The following KRAS variants were observed in gnomAD, a reference collection of about 807,000 sequenced individuals.
KRAS encodes the protein GTPase KRas.
Under a neutral mutation model 21.0 loss-of-function variants are expected in KRAS, and 1 was observed. That is an observed-to-expected ratio of 0.05 (90% CI 0.02 to 0.23). The LOEUF is 0.23. KRAS is among the 10% of genes least tolerant of loss of function. The probability of loss-of-function intolerance (pLI) is 1.00; values close to 1 mark genes in which losing one functional copy is unlikely to be tolerated. For synonymous variants in KRAS, 67 were observed against 72.5 expected, an observed-to-expected ratio of 0.92 and a Z score of 0.39; for missense variants, 107 against 221.8, an observed-to-expected ratio of 0.48 and a Z score of 3.29.
intron 2 of KRAS, among the ~76,000 whole-genome samples, chr12:25,243,345 G>A (rs892092713): frequency 1.4e-4 from 22 of 152,034 alleles, no homozygotes; most frequent in African/African-American, 5.1e-4. Flanking sequence ...ACTACGTCAG[G>A]GACCGTCAGT....
rs377473109 is a variant in KRAS, at chr12:25,225,797, G to A, written c.291-24C>T. ...CTCTGGGAAAGAAAAAAAAGTTATA[G>A]CACAGTCATTAGTAACACAAATATC... is the stretch of plus-strand genomic sequence containing the variant. On this transcript the variant is annotated intron_variant, in intron 3 of 4. Transcript: ENST00000311936. 1.7e-5 allele frequency: 27 copies of A among 1,603,690 alleles called. No homozygotes were observed. In the South Asian group the frequency reaches 2.5e-4, roughly 15 times the overall value.
rs1332125367 is a variant in KRAS, at chr12:25,205,261, T to G, written c.*4534A>C. 2 of 214,878 alleles carry G rather than the reference T, an allele frequency of 9.3e-6. No individual in the cohort carries two copies. Among genetic ancestry groups the G allele is most frequent in the African/African-American group, 4.5e-5 (2 of 44,310 alleles). 13.3% of individuals were successfully genotyped at this position (214,878 alleles called of 1,614,324 possible). A position where few individuals can be genotyped will look rare whatever the true frequency, so the allele number is the denominator to read the frequency against. ...CACACTCATAGTCACTGTAACTATT[T>G]TTATTACATTACAATAATTAGGAGT... On this transcript the variant is annotated 3_prime_UTR_variant, in exon 5 of 5. Transcript: ENST00000311936.
intron 1 of KRAS, among the ~76,000 whole-genome samples, chr12:25,249,598 A>AAAAAAAAAAAAAAAAAAG (rs1951738070): frequency 6.7e-6 from 1 of 149,114 alleles, no homozygotes; most frequent in Non-Finnish European, 1.5e-5. Context: ...TCTCAAAAAA[A>AAAAAAAAAAAAAAAAAAG]AAAAAAAAAA....
Position 25,209,735 on chromosome 12 carries a change from G to A in KRAS, c.*60C>T. ...CTAAAACAAATGCTAATAATTTAGT[G>A]TAATGTACAAAAATTACCACTTGTA... On this transcript the variant is annotated 3_prime_UTR_variant, in exon 5 of 5. Coordinates refer to ENST00000311936, the MANE Select transcript of KRAS (RefSeq NM_004985.5). The A allele has an allele frequency of 2.5e-6, 4 of 1,582,694 alleles. No homozygotes were observed. The highest frequency in any genetic ancestry group is 3.4e-6 in the Non-Finnish European group (4 of 1,164,594).
At chr12:25,231,686 T>C (rs563656912) in intron 2 of KRAS, among the ~76,000 whole-genome samples, 7 of 152,254 alleles carry the variant, frequency 4.6e-5, no homozygotes, top group African/African-American at 1.4e-4. Context: ...TTCAAAGTAA[T>C]CTATAACCTA....
At position 25,225,286 on chromosome 12, in the gene KRAS, T is replaced by TTATTTTTATATATATATA. The variant is rs1486092988; in HGVS notation, c.450+327_450+328insTATATATATATAAAAATA. ...ACGCAAAAATTTGTTGCCCTGTTCT[T>TTATTTTTATATATATATA]TATATATATATATATATATATATAT... On this transcript the variant is annotated intron_variant, in intron 4 of 4. Coordinates refer to ENST00000311936, the MANE Select transcript of KRAS (RefSeq NM_004985.5). 67 of 10,598 alleles carry TTATTTTTATATATATATA rather than the reference T, an allele frequency of 6.3e-3. 6 individuals are homozygous for TTATTTTTATATATATATA. The highest frequency in any genetic ancestry group is 0.025 in the East Asian group (3 of 118). 0.7% of individuals were successfully genotyped at this position (10,598 alleles called of 1,614,324 possible).
rs1951155601 is a variant in KRAS at position 25,207,846 on chromosome 12, AG to A, written c.*1948del. The A allele has an allele frequency of 4.3e-6, 1 of 233,194 alleles. No homozygotes were observed. The highest frequency in any genetic ancestry group is 8.5e-6 in the Non-Finnish European group (1 of 117,996). The allele number at this position is 233,194 out of a possible 1,614,324, so 14.4% of individuals were successfully genotyped here. A position where few individuals can be genotyped will look rare whatever the true frequency, so the allele number is the denominator to read the frequency against. On this transcript the variant is annotated 3_prime_UTR_variant, in exon 5 of 5. Transcript: ENST00000311936. ...CTTGAGCCCTGAGGAAATAAGATGT[AG>A]GGCATTTCTGATGTGACTCAGTGGG...
Position 25,227,473 on chromosome 12 carries a change from T to G in KRAS, c.112-61A>C, listed in dbSNP as rs1951408684. Reference sequence around the variant, plus strand: ...TGCACCTTTTACTTCAAAAAAGGTGTTATATACAACTCAACAACAAAAAAT... The same window carrying G: ...TGCACCTTTTACTTCAAAAAAGGTGGTATATACAACTCAACAACAAAAAAT... On this transcript the variant is annotated intron_variant, in intron 2 of 4. Coordinates refer to ENST00000311936, the MANE Select transcript of KRAS (RefSeq NM_004985.5). 2.0e-6 allele frequency: 3 copies of G among 1,476,434 alleles called. No homozygotes were observed. The Admixed American group carries it at 5.3e-5, about 26-fold the overall frequency. The allele number at this position is 1,476,434 out of a possible 1,614,324, so 91.5% of individuals were successfully genotyped here.
At chr12:25,249,284 T>A (rs1361238409) in intron 1 of KRAS, among the ~76,000 whole-genome samples, 1 of 151,874 alleles carries the variant, frequency 6.6e-6, no homozygotes, top group Admixed American at 6.6e-5. Context: ...GTAATCCCAG[T>A]TATTCGGGAG....
chr12:25,228,003 A>G (rs1287536291), intron 2 of KRAS, among the ~76,000 whole-genome samples: 3 of 152,190 alleles, frequency 2.0e-5, no homozygotes, highest in African/African-American at 7.2e-5. Flanking sequence ...CATACAGTGG[A>G]ACATTATTCA....
Position 25,236,123 on chromosome 12 carries a change from C to T in KRAS, c.112-8711G>A, listed in dbSNP as rs143064378. ...TTAGAGGATCTCTAAGGCTTAGAGG[C>T]CTTAGAATAAGCACCAAGAAGTGAA... On this transcript the variant is annotated intron_variant, in intron 2 of 4. Coordinates refer to ENST00000311936, the MANE Select transcript of KRAS (RefSeq NM_004985.5). 4.1e-3 allele frequency among the ~76,000 whole-genome samples: 624 copies of T among 151,932 alleles called. 3 individuals carry two copies. The highest frequency in any genetic ancestry group is 5.9e-3 in the Non-Finnish European group (399 of 67,956).
At chr12:25,237,601 T>C (rs61761099) in intron 2 of KRAS, among the ~76,000 whole-genome samples, 300 of 152,264 alleles carry the variant, frequency 2.0e-3, no homozygotes, top group Non-Finnish European at 3.8e-3. Context: ...CTTCGATCCA[T>C]GGACAGCCGA....
chr12:25,229,800 G>A (rs1417239365), intron 2 of KRAS, among the ~76,000 whole-genome samples: 1 of 146,376 alleles, frequency 6.8e-6, no homozygotes, highest in African/African-American at 2.5e-5. Context: ...ATGGAGTCTC[G>A]CTCTGTCGCC....
Position 25,207,202 on chromosome 12 carries a change from T to G in KRAS, c.*2593A>C, listed in dbSNP as rs1407207755. The stretch of plus-strand genomic sequence containing the variant: ...GGGATACCATATACCCAGTGCCTTG[T>G]GTGGTGACTGGCATCTGGTAGGCAC... On this transcript the variant is annotated 3_prime_UTR_variant, in exon 5 of 5. Coordinates refer to ENST00000311936, the MANE Select transcript of KRAS (RefSeq NM_004985.5). The G allele has an allele frequency of 9.4e-6, 2 of 212,528 alleles. No individual in the cohort carries two copies. Among genetic ancestry groups the G allele is most frequent in the Admixed American group, 5.9e-5 (1 of 17,000 alleles). 13.2% of individuals were successfully genotyped at this position (212,528 alleles called of 1,614,324 possible).
chr12:25,226,301 T>C (rs985711431), intron 3 of KRAS, among the ~76,000 whole-genome samples: 1 of 152,202 alleles, frequency 6.6e-6, no homozygotes, highest in Admixed American at 6.6e-5. Flanking sequence ...ATTTTCAATA[T>C]AACAAGTGCA....
chr12:25,223,954 T>C (rs1592805398), intron 4 of KRAS, among the ~76,000 whole-genome samples: 1 of 152,138 alleles, frequency 6.6e-6, no homozygotes, highest in East Asian at 1.9e-4. Flanking sequence ...TACCACATAA[T>C]GACATTTTGG....
At chr12:25,231,163 A>T (rs905458235) in intron 2 of KRAS, among the ~76,000 whole-genome samples, 5 of 133,426 alleles carry the variant, frequency 3.7e-5, no homozygotes, top group Non-Finnish European at 7.6e-5. Flanking sequence ...GGGCAGTGAC[A>T]CGATCTCGAG....
chr12:25,245,537 C>G, intron 1 of KRAS, 142 bp from the exon 2 acceptor site: 1 of 907,130 alleles, frequency 1.1e-6, no homozygotes, highest in East Asian at 2.7e-5. Context: ...TTACAAAATT[C>G]AATCATGAAA....
At chr12:25,236,830 C>T (rs1022261607) in intron 2 of KRAS, among the ~76,000 whole-genome samples, 3 of 152,128 alleles carry the variant, frequency 2.0e-5, no homozygotes, top group African/African-American at 7.2e-5. Context: ...ACCAAAACCA[C>T]TTGGCAGTTC....
Sources: gnomAD v4.1 joint callset for allele counts (sites outside exome capture counted in the v4.1 genomes callset) on GRCh38, gnomAD v4.1.1 for gene constraint, MANE v1.5 for transcripts, NCBI Gene and HGNC (gene_info 2026-07-23, HGNC 2026-07-21) for gene names.